BECN1: variants seen among roughly 807,000 people sequenced by gnomAD.
BECN1 encodes the protein beclin-1.
Under a neutral mutation model 60.1 loss-of-function variants are expected in BECN1, and 15 were observed. The ratio of observed to expected loss-of-function variants is 0.25; its 90% CI spans 0.17 to 0.38. The LOEUF is 0.38. Among genes scored for constraint, BECN1 ranks in the 10% least tolerant of loss-of-function variants. BECN1 has a pLI of 1.00. For missense variants in BECN1, 424 were observed against 548.2 expected, an observed-to-expected ratio of 0.77 and a Z score of 2.26; for synonymous variants, 179 against 201.8, an observed-to-expected ratio of 0.89 and a Z score of 0.96.
rs1371529364 is a variant in BECN1, at chr17:42,824,213, G to C, written c.-61C>G. The C allele has an allele frequency of 2.4e-6, 1 of 415,038 alleles. No individual in the cohort carries two copies. The highest frequency in any genetic ancestry group is 2.0e-5 in the African/African-American group (1 of 49,138). 25.7% of individuals were successfully genotyped at this position (415,038 alleles called of 1,614,324 possible). ...TCTACCGCGGAGGCACTGTGGCCTCGGGTCGGCCCCGGAGCGAGGCCTCCA... is the reference window on the plus strand; with the variant it reads ...TCTACCGCGGAGGCACTGTGGCCTCCGGTCGGCCCCGGAGCGAGGCCTCCA... On this transcript the variant is annotated 5_prime_UTR_variant, in exon 1 of 12. Coordinates refer to ENST00000590099, the MANE Select transcript of BECN1 (RefSeq NM_001313998.2).
At chr17:42,822,819 C>T (rs1364669219) in intron 2 of BECN1, among the ~76,000 whole-genome samples, 1 of 151,976 alleles carries the variant, frequency 6.6e-6, no homozygotes, top group African/African-American at 2.4e-5. Context: ...CCTCCTGCCT[C>T]AGCCTCCACC....
intron 7 of BECN1, 113 bp from the exon 8 acceptor site, chr17:42,816,167 C>T: frequency 8.6e-7 from 1 of 1,168,300 alleles, no homozygotes; most frequent in Non-Finnish European, 1.2e-6. Context: ...GCTCTCGCAT[C>T]TTTTATATTT....
Position 42,823,895 on chromosome 17 carries a change from A to C in BECN1, c.-2-16T>G. 6.2e-7 allele frequency: 1 copy of C among 1,611,686 alleles called. No individual in the cohort carries two copies. Among genetic ancestry groups the C allele is most frequent in the South Asian group, 1.1e-5 (1 of 90,894 alleles). On this transcript the variant is annotated splice_polypyrimidine_tract_variant and intron_variant, in intron 1 of 11. Coordinates refer to ENST00000590099, the MANE Select transcript of BECN1 (RefSeq NM_001313998.2). ...CCTTCCATCCCTGAGGCCGTGGAAA[A>C]GAGGCAACATTAGGGAGAAGCGACG...
chr17:42,817,992 C>T (rs1164101985), intron 7 of BECN1, among the ~76,000 whole-genome samples: 1 of 152,186 alleles, frequency 6.6e-6, no homozygotes, highest in Non-Finnish European at 1.5e-5. Flanking sequence ...CTGGTTTCTG[C>T]ACTATTTAAC....
chr17:42,814,272 T>C, intron 9 of BECN1: 1 of 577,686 alleles, frequency 1.7e-6, no homozygotes, highest in Non-Finnish European at 3.0e-6. Flanking sequence ...ACTGAAAATA[T>C]CCTGAGGAAC....
chr17:42,814,730 C>A, intron 8 of BECN1, 57 bp from the exon 9 acceptor site: 1 of 1,601,502 alleles, frequency 6.2e-7, no homozygotes, highest in Non-Finnish European at 8.5e-7. Flanking sequence ...AAAAGTTTGA[C>A]ATTTCCCACT....
At chr17:42,816,905 G>A (rs1223692656) in intron 7 of BECN1, among the ~76,000 whole-genome samples, 1 of 152,078 alleles carries the variant, frequency 6.6e-6, no homozygotes, top group Admixed American at 6.6e-5. Context: ...GGGAGGTGGA[G>A]GTTGCAGACA....
intron 10 of BECN1, chr17:42,812,846 T>C (rs2055053582): frequency 7.4e-6 from 1 of 134,440 alleles, no homozygotes; most frequent in Non-Finnish European, 1.6e-5. Flanking sequence ...TTTTTTTTTT[T>C]TTTTTTGAGA....
chr17:42,819,744 GGTATTAT>G, intron 3 of BECN1, 135 bp from the exon 4 acceptor site: 4 of 846,714 alleles, frequency 4.7e-6, no homozygotes, highest in Admixed American at 2.7e-5. Context: ...TTAAAAAATG[GGTATTAT>G]CGAAGCAATC....
At position 42,810,643 on chromosome 17, in the gene BECN1, C is replaced by CT; in HGVS notation, c.*116dup. On this transcript the variant is annotated 3_prime_UTR_variant, in exon 12 of 12. Coordinates refer to ENST00000590099, the MANE Select transcript of BECN1 (RefSeq NM_001313998.2). ...ATAAAGTGGCTTTTGTGGATTTTTTCTTTTTTGGTATTGTAAACATGTACT... is the reference window on the plus strand; with the variant it reads ...ATAAAGTGGCTTTTGTGGATTTTTTCTTTTTTTGGTATTGTAAACATGTACT... 8.9e-7 allele frequency: 1 copy of CT among 1,128,934 alleles called. No individual in the cohort carries two copies. The highest frequency in any genetic ancestry group is 3.1e-5 in the Admixed American group (1 of 32,708). The allele number at this position is 1,128,934 out of a possible 1,614,324, so 69.9% of individuals were successfully genotyped here.
Position 42,824,275 on chromosome 17 carries a change from A to G in BECN1, c.-123T>C, listed in dbSNP as rs1047781859. ...GCTCTGTCTTCAGCGACTTCCCGGTAGCCGCCGGAAAACTTCCGCCCGAGA... is the reference window on the plus strand; with the variant it reads ...GCTCTGTCTTCAGCGACTTCCCGGTGGCCGCCGGAAAACTTCCGCCCGAGA... On this transcript the variant is annotated 5_prime_UTR_variant, in exon 1 of 12. Coordinates refer to ENST00000590099, the MANE Select transcript of BECN1 (RefSeq NM_001313998.2). The G allele has an allele frequency of 2.5e-6, 1 of 399,708 alleles. No individual in the cohort carries two copies. The allele number at this position is 399,708 out of a possible 1,614,324, so 24.8% of individuals were successfully genotyped here. A position where few individuals can be genotyped will look rare whatever the true frequency, so the allele number is the denominator to read the frequency against.
intron 7 of BECN1, 79 bp downstream of exon 7, chr17:42,818,142 A>G: frequency 2.0e-6 from 3 of 1,480,204 alleles, no homozygotes; most frequent in Non-Finnish European, 2.8e-6. Flanking sequence ...TTTACAAACT[A>G]TTCAGACACA....
chr17:42,814,126 A>T, intron 9 of BECN1, 118 bp from the exon 10 acceptor site: 3 of 643,066 alleles, frequency 4.7e-6, no homozygotes, highest in Non-Finnish European at 7.8e-6. Flanking sequence ...TATTATGCTC[A>T]ACTCCCTCTC....
At chr17:42,818,164 G>A in intron 7 of BECN1, 57 bp downstream of exon 7, 1 of 1,562,516 alleles carries the variant, frequency 6.4e-7, no homozygotes, top group Non-Finnish European at 8.7e-7. Flanking sequence ...TCAGCTGGAA[G>A]CCATTTCCTC....
chr17:42,823,744 T>C lies in BECN1; in HGVS notation c.130+4A>G, dbSNP rs796173409. Reference sequence around the variant, plus strand: ...ACCACCCTCTTTCCAAGGGTCTCGCTGACCTGTGAGTTCCTGGATGGTGAC... The same window carrying C: ...ACCACCCTCTTTCCAAGGGTCTCGCCGACCTGTGAGTTCCTGGATGGTGAC... On this transcript the variant is annotated splice_donor_region_variant and intron_variant, in intron 2 of 11. Coordinates refer to ENST00000590099, the MANE Select transcript of BECN1 (RefSeq NM_001313998.2). 1 of 1,613,684 alleles carries C rather than the reference T, an allele frequency of 6.2e-7. No individual in the cohort carries two copies.
At chr17:42,824,026 G>T (rs2055335010) in intron 1 of BECN1, 129 bp downstream of exon 1, 2 of 1,057,344 alleles carry the variant, frequency 1.9e-6, no homozygotes, top group Non-Finnish European at 2.6e-6. Context: ...ATACGGGGAG[G>T]ACCTGCTTCC....
At chr17:42,815,094 G>A (rs1207313058) in intron 8 of BECN1, 3 of 173,306 alleles carry the variant, frequency 1.7e-5, no homozygotes, top group Admixed American at 1.2e-4. Flanking sequence ...ACGAATACAA[G>A]TGTAATTACG....
intron 2 of BECN1, 110 bp downstream of exon 2, chr17:42,823,638 G>C: frequency 7.0e-7 from 1 of 1,421,284 alleles, no homozygotes; most frequent in Non-Finnish European, 9.5e-7. Context: ...ACTTTCCTAG[G>C]TTCACACGAT....
intron 9 of BECN1, 119 bp downstream of exon 9, chr17:42,814,405 C>T: frequency 7.2e-7 from 1 of 1,392,358 alleles, no homozygotes; most frequent in East Asian, 2.3e-5. Context: ...TCTTCAGCCA[C>T]AGAAAACTCC....
Sources: gnomAD v4.1 joint callset for allele counts (sites outside exome capture counted in the v4.1 genomes callset) on GRCh38, gnomAD v4.1.1 for gene constraint, MANE v1.5 for transcripts, NCBI Gene and HGNC (gene_info 2026-07-23, HGNC 2026-07-21) for gene names.